The following NCKAP5 variants were observed in gnomAD, a reference collection of about 807,000 sequenced individuals.
The protein encoded by NCKAP5 is NCK associated protein 5, also known as nck-associated protein 5.
In NCKAP5, 92 loss-of-function variants were observed where a neutral mutation model predicts 167.0. The observed-to-expected ratio is 0.55, with a 90% CI of 0.47 to 0.66. The LOEUF is 0.66. Ranked by LOEUF, NCKAP5 falls within the 30% of genes least tolerant of loss-of-function variation. The pLI is 0.00. For missense variants in NCKAP5, 2,378 were observed against 2,315.0 expected (o/e 1.03, Z -0.56); for synonymous variants, 891 against 877.4 (o/e 1.02, Z -0.27).
At chr2:132,862,632 C>T (rs1182415954) in intron 10 of NCKAP5, among the ~76,000 whole-genome samples, 9 of 151,914 alleles carry the variant, frequency 5.9e-5, no homozygotes, top group Admixed American at 1.3e-4. Context: ...CAAGTGTGCA[C>T]GCCTGTAGTC....
At chr2:133,314,931 C>T (rs546195033) in intron 3 of NCKAP5, among the ~76,000 whole-genome samples, 148 of 152,174 alleles carry the variant, frequency 9.7e-4, no homozygotes, top group African/African-American at 2.9e-3. Context: ...ACAAAACCAG[C>T]GTAAAGGACT....
At chr2:133,189,716 CT>C (rs1343504273) in intron 5 of NCKAP5, among the ~76,000 whole-genome samples, 3 of 152,200 alleles carry the variant, frequency 2.0e-5, no homozygotes, top group Admixed American at 2.0e-4. Context: ...CAGAAAAGGC[CT>C]TTGACAAAAT....
intron 3 of NCKAP5, among the ~76,000 whole-genome samples, chr2:133,477,161 G>A (rs144990335): frequency 2.0e-5 from 3 of 152,318 alleles, no homozygotes; most frequent in African/African-American, 7.2e-5. Flanking sequence ...CAAAGTCATT[G>A]TGCTACGAGA....
chr2:133,303,862 A>T lies in NCKAP5; in HGVS notation c.70-752T>A, dbSNP rs189151554. ...TGGATTTAATTTGTGATTTCTGCAT[A>T]CGAGGCTCATATGCAATGGTGTTTC... On this transcript the variant is annotated intron_variant, in intron 3 of 19. Transcript: ENST00000409261. Among the ~76,000 whole-genome samples the T allele has an allele frequency of 1.4e-4, 22 of 152,334 alleles. No homozygotes were observed. In the East Asian group the frequency reaches 4.2e-3, roughly 29 times the overall value.
At chr2:133,193,387 T>C (rs1466596783) in intron 5 of NCKAP5, among the ~76,000 whole-genome samples, 1 of 152,038 alleles carries the variant, frequency 6.6e-6, no homozygotes, top group Non-Finnish European at 1.5e-5. Context: ...AGTGTTGCCA[T>C]GGGAGGAAAT....
chr2:132,891,227 G>A (rs35319151), intron 8 of NCKAP5, among the ~76,000 whole-genome samples: 1 of 152,120 alleles, frequency 6.6e-6, no homozygotes, highest in Non-Finnish European at 1.5e-5. Flanking sequence ...AATCACTTGG[G>A]GGGTTATGGG....
intron 13 of NCKAP5, among the ~76,000 whole-genome samples, chr2:132,789,381 A>G (rs1683863594): frequency 6.6e-6 from 1 of 152,208 alleles, no homozygotes; most frequent in Non-Finnish European, 1.5e-5. Context: ...TCTGAGTCCC[A>G]GGGAATAAGC....
intron 8 of NCKAP5, chr2:132,926,181 AT>A: frequency 2.5e-6 from 1 of 395,792 alleles, no homozygotes; most frequent in South Asian, 2.0e-5. Context: ...TCTTAGGATA[AT>A]GGCCTCCAGT....
intron 3 of NCKAP5, among the ~76,000 whole-genome samples, chr2:133,469,393 T>C (rs989631602): frequency 2.6e-5 from 4 of 152,210 alleles, no homozygotes; most frequent in Non-Finnish European, 4.4e-5. Context: ...GTTAGTCTTA[T>C]GGGCTTCCCT....
intron 4 of NCKAP5, among the ~76,000 whole-genome samples, chr2:133,298,833 T>C (rs1252387449): frequency 6.6e-6 from 1 of 152,146 alleles, no homozygotes; most frequent in African/African-American, 2.4e-5. Context: ...CAACCATACA[T>C]GTTATTGCTG....
At chr2:133,128,426 C>A (rs1440002244) in intron 6 of NCKAP5, among the ~76,000 whole-genome samples, 1 of 152,178 alleles carries the variant, frequency 6.6e-6, no homozygotes, top group African/African-American at 2.4e-5. Flanking sequence ...GGATTCCTCC[C>A]ATGGAATTGA....
At chr2:133,105,255 A>T (rs1222495629) in intron 6 of NCKAP5, among the ~76,000 whole-genome samples, 2 of 152,212 alleles carry the variant, frequency 1.3e-5, no homozygotes, top group Non-Finnish European at 2.9e-5. Flanking sequence ...TTTGTTTTTA[A>T]CATTCAACCA....
chr2:132,984,974 T>C (rs986459062), intron 7 of NCKAP5, among the ~76,000 whole-genome samples: 1 of 150,648 alleles, frequency 6.6e-6, no homozygotes, highest in South Asian at 2.1e-4. Context: ...TTTTGGATGG[T>C]AGCCACAGAA....
At chr2:132,980,269 G>A (rs1377703997) in intron 7 of NCKAP5, among the ~76,000 whole-genome samples, 1 of 152,012 alleles carries the variant, frequency 6.6e-6, no homozygotes, top group Non-Finnish European at 1.5e-5. Context: ...TGGGATTACA[G>A]GTGTGAGCCA....
intron 5 of NCKAP5, among the ~76,000 whole-genome samples, chr2:133,187,615 G>T (rs2150062382): frequency 6.6e-6 from 1 of 152,102 alleles, no homozygotes; most frequent in East Asian, 1.9e-4. Context: ...ATAAATCAAA[G>T]ATAATCTAAA....
chr2:132,733,629 T>C (rs146257960), intron 16 of NCKAP5, among the ~76,000 whole-genome samples: 8 of 152,358 alleles, frequency 5.3e-5, no homozygotes, highest in East Asian at 1.9e-4. Flanking sequence ...ATTTATTACA[T>C]ATTAGTAGAT....
At chr2:133,471,470 C>T (rs1679303551) in intron 3 of NCKAP5, among the ~76,000 whole-genome samples, 1 of 151,950 alleles carries the variant, frequency 6.6e-6, no homozygotes, top group Non-Finnish European at 1.5e-5. Context: ...TCTGTCTTTG[C>T]AAGGAACCTA....
In NCKAP5 at chr2:133,265,359, G is replaced by A. The variant is rs565107760; in HGVS notation, c.143+37678C>T. Among the ~76,000 whole-genome samples the A allele has an allele frequency of 8.5e-5, 13 of 152,218 alleles. No homozygotes were observed. In the East Asian group the frequency reaches 2.5e-3, roughly 29 times the overall value. On this transcript the variant is annotated intron_variant, in intron 4 of 19. Transcript: ENST00000409261. ...GGCTCAGCACTTAACCTGAGATGAGGATGTCCTAACAGCCCTTTTTCTCTA... is the reference window on the plus strand; with the variant it reads ...GGCTCAGCACTTAACCTGAGATGAGAATGTCCTAACAGCCCTTTTTCTCTA...
At chr2:133,552,612 G>T (rs1687423102) in intron 2 of NCKAP5, among the ~76,000 whole-genome samples, 2 of 135,184 alleles carry the variant, frequency 1.5e-5, no homozygotes, top group African/African-American at 5.5e-5. Flanking sequence ...GGGGGAGGGG[G>T]GATGGATAGC....
Sources: gnomAD v4.1 joint callset for allele counts (sites outside exome capture counted in the v4.1 genomes callset) on GRCh38, gnomAD v4.1.1 for gene constraint, MANE v1.5 for transcripts, NCBI Gene and HGNC (gene_info 2026-07-23, HGNC 2026-07-21) for gene names.